Variants in NFASC observed in about 807,000 individuals in gnomAD.
The protein encoded by NFASC is neurofascin.
Under a neutral mutation model 147.5 loss-of-function variants are expected in NFASC, and 43 were observed. The observed-to-expected ratio is 0.29, with a 90% CI of 0.23 to 0.38. NFASC has a LOEUF of 0.38. NFASC is among the 10% of genes least tolerant of loss of function. The probability of loss-of-function intolerance (pLI) is 1.00; values close to 1 mark genes in which losing one functional copy is unlikely to be tolerated. For missense variants in NFASC, 1,320 were observed against 1,689.0 expected, an observed-to-expected ratio of 0.78 and a Z score of 3.83; for synonymous variants, 622 against 665.5, an observed-to-expected ratio of 0.93 and a Z score of 1.01.
intron 1 of NFASC, among the ~76,000 whole-genome samples, chr1:204,880,592 T>C (rs2079997867): frequency 6.6e-6 from 1 of 152,180 alleles, no homozygotes; most frequent in Admixed American, 6.5e-5. Flanking sequence ...CCTGACGTGC[T>C]GCACCCGCCT....
intron 1 of NFASC, among the ~76,000 whole-genome samples, chr1:204,912,022 T>G (rs1316771708): frequency 3.3e-5 from 5 of 152,156 alleles, no homozygotes; most frequent in African/African-American, 9.7e-5. Context: ...TCCTATTTTT[T>G]TGTGTTTTTC....
chr1:204,913,086 A>C (rs978919724), intron 1 of NFASC, among the ~76,000 whole-genome samples: 2 of 152,196 alleles, frequency 1.3e-5, no homozygotes, highest in Admixed American at 1.3e-4. Context: ...TGGGATTCAA[A>C]ATTAGTATGC....
chr1:204,985,787 A>T, intron 21 of NFASC: 1 of 663,890 alleles, frequency 1.5e-6, no homozygotes, highest in Non-Finnish European at 2.7e-6. Context: ...GATAGGACTG[A>T]TGAGGTCATT....
rs56408210 is a variant in NFASC at position 204,969,243 on chromosome 1, G to A, written c.1003+261G>A. On this transcript the variant is annotated intron_variant, in intron 10 of 29. Coordinates refer to ENST00000339876, the MANE Select transcript of NFASC (RefSeq NM_001005388.3). ...TCCTTGGTGCCAGCGCTCCCTCAGC[G>A]GGTGAATTTCCTCCCACGGCCCATT... is the stretch of plus-strand genomic sequence containing the variant. Among the ~76,000 whole-genome samples, 5,365 of 152,226 alleles carry A rather than the reference G, an allele frequency of 0.035. 231 individuals carry two copies. The highest frequency in any genetic ancestry group is 0.1 in the African/African-American group (4,305 of 41,518).
At chr1:204,839,513 G>A (rs1331239934) in intron 1 of NFASC, among the ~76,000 whole-genome samples, 1 of 152,148 alleles carries the variant, frequency 6.6e-6, no homozygotes, top group Non-Finnish European at 1.5e-5. Flanking sequence ...GCGTGTCCCT[G>A]TCTGGCCTCT....
Position 204,895,277 on chromosome 1 carries a change from A to C in NFASC, c.-199-25355A>C, listed in dbSNP as rs186012714. 8.6e-5 allele frequency among the ~76,000 whole-genome samples: 13 copies of C among 151,978 alleles called. No individual in the cohort carries two copies. The South Asian group carries it at 1.5e-3, about 17-fold the overall frequency. On this transcript the variant is annotated intron_variant, in intron 1 of 29. Transcript: ENST00000339876. Reference sequence around the variant, plus strand: ...CCTGACTTACCTAATTTCTGCCACTACTCAAGCTTTCAAGACCCAGACTGT... The same window carrying C: ...CCTGACTTACCTAATTTCTGCCACTCCTCAAGCTTTCAAGACCCAGACTGT...
chr1:204,866,222 T>C (rs2077095249), intron 1 of NFASC, among the ~76,000 whole-genome samples: 1 of 152,198 alleles, frequency 6.6e-6, no homozygotes, highest in Non-Finnish European at 1.5e-5. Flanking sequence ...GAATAAGCTG[T>C]ATCCTCACAC....
intron 1 of NFASC, among the ~76,000 whole-genome samples, chr1:204,919,959 G>A (rs545073216): frequency 6.6e-6 from 1 of 152,258 alleles, no homozygotes; most frequent in South Asian, 2.1e-4. Flanking sequence ...ATGACTAAAT[G>A]GAATATGTTA....
chr1:204,913,624 C>T (rs1042241633), intron 1 of NFASC, among the ~76,000 whole-genome samples: 2 of 151,804 alleles, frequency 1.3e-5, no homozygotes, highest in African/African-American at 4.8e-5. Context: ...CAGTTAGATC[C>T]CTTCTTCACA....
Position 205,009,577 on chromosome 1 carries a change from G to A in NFASC, c.3310G>A (p.Asp1104Asn), listed in dbSNP as rs2096211837. 4 of 1,614,012 alleles carry A rather than the reference G, an allele frequency of 2.5e-6. No individual in the cohort carries two copies. The highest frequency in any genetic ancestry group is 1.3e-5 in the African/African-American group (1 of 74,904). The change falls in exon 28 of 30, where the codon GAC (aspartate) becomes AAC (asparagine). Residue 1104 changes from aspartate to asparagine, a missense_variant. Around this residue, in one of 3 missense-constraint regions of NFASC, gnomAD observed 167 missense variants for 233.8 expected, o/e 0.71. Coordinates refer to ENST00000339876, the MANE Select transcript of NFASC (RefSeq NM_001005388.3). The stretch of plus-strand genomic sequence containing the variant: ...GCCAGCTTACACCAACAACCAAGCG[G>A]ACATCGCCACCCAGGGCTGGTTCAT... ...TSTAYTNNQA[D>N]IATQGWFIGL...
At chr1:204,909,256 C>A (rs1182119586) in intron 1 of NFASC, among the ~76,000 whole-genome samples, 1 of 152,216 alleles carries the variant, frequency 6.6e-6, no homozygotes, top group Non-Finnish European at 1.5e-5. Flanking sequence ...GGTGTTGTCA[C>A]AATTTTTTTT....
intron 1 of NFASC, among the ~76,000 whole-genome samples, chr1:204,880,588 G>A (rs928511477): frequency 6.6e-6 from 1 of 152,044 alleles, no homozygotes; most frequent in Non-Finnish European, 1.5e-5. Context: ...ATCTCCTGAC[G>A]TGCTGCACCC....
In NFASC at chr1:204,954,424, G is replaced by A. The variant is rs1328169996; in HGVS notation, c.412+40G>A. 1.3e-6 allele frequency: 2 copies of A among 1,588,310 alleles called. No individual in the cohort carries two copies. Among genetic ancestry groups the A allele is most frequent in the Admixed American group, 3.5e-5 (2 of 57,938 alleles). On this transcript the variant is annotated intron_variant, in intron 6 of 29. Coordinates refer to ENST00000339876, the MANE Select transcript of NFASC (RefSeq NM_001005388.3). This position sits in a 1 kb window ranked among gnomAD's most constrained non-coding sequence, Gnocchi z 5.7. ...GCAGGGCTGAAATGCCCTGCTCCTG[G>A]GTAAATGGAGAGTGGGGGGTGTGGA... is the stretch of plus-strand genomic sequence containing the variant.
At chr1:204,978,591 C>T (rs2150408467) in intron 17 of NFASC, among the ~76,000 whole-genome samples, 1 of 152,348 alleles carries the variant, frequency 6.6e-6, no homozygotes, top group Middle Eastern at 3.4e-3. Flanking sequence ...TCCCACACTC[C>T]CTCATCAGCC....
intron 1 of NFASC, among the ~76,000 whole-genome samples, chr1:204,919,208 G>A (rs1339532378): frequency 2.0e-5 from 3 of 151,838 alleles, no homozygotes; most frequent in African/African-American, 7.3e-5. Flanking sequence ...GCATTTTAGT[G>A]GAGATGGGGT....
intron 1 of NFASC, among the ~76,000 whole-genome samples, chr1:204,896,650 C>T (rs1452553693): frequency 6.6e-6 from 1 of 152,168 alleles, no homozygotes; most frequent in Non-Finnish European, 1.5e-5. Context: ...CAAACACTTT[C>T]CAGGTCTTGG....
rs1572814998 is a variant in NFASC, at chr1:204,906,526, T to C, written c.-199-14106T>C. 2.6e-5 allele frequency among the ~76,000 whole-genome samples: 4 copies of C among 152,356 alleles called. No homozygotes were observed. In the East Asian group the frequency reaches 7.7e-4, roughly 29 times the overall value. ...GCCTCTAACTCGCTGCGTGTATCAGTAGAACATTGCTTTATATTGCTGTAT... is the reference window on the plus strand; with the variant it reads ...GCCTCTAACTCGCTGCGTGTATCAGCAGAACATTGCTTTATATTGCTGTAT... On this transcript the variant is annotated intron_variant, in intron 1 of 29. Transcript: ENST00000339876.
At chr1:204,857,441 T>C (rs1374266234) in intron 1 of NFASC, among the ~76,000 whole-genome samples, 1 of 151,906 alleles carries the variant, frequency 6.6e-6, no homozygotes, top group Non-Finnish European at 1.5e-5. Flanking sequence ...ACCCAAAATA[T>C]ATGCAGTTTC....
intron 27 of NFASC, among the ~76,000 whole-genome samples, chr1:205,004,111 T>G (rs2096058659): frequency 6.6e-6 from 1 of 152,240 alleles, no homozygotes. Context: ...CTCACTGGTA[T>G]GTGCATTTGA....
Sources: allele counts gnomAD v4.1 joint callset (sites outside exome capture counted in the v4.1 genomes callset), GRCh38; gene constraint gnomAD v4.1.1; regional missense constraint gnomAD v4.1.1; non-coding constraint Gnocchi (gnomAD v3.1); transcripts MANE v1.5; gene names NCBI Gene and HGNC (gene_info 2026-07-23, HGNC 2026-07-21).